ASB2: variants seen among roughly 807,000 people sequenced by gnomAD.
ASB2 encodes ankyrin repeat and SOCS box containing 2, also known as ankyrin repeat and SOCS box protein 2.
A neutral mutation model predicts 62.4 loss-of-function variants in ASB2; 58 were observed. The ratio of observed to expected loss-of-function variants is 0.93; its 90% CI spans 0.75 to 1.16. ASB2 has a LOEUF of 1.16. Ranked by LOEUF, ASB2 falls within the 50% of genes most tolerant of loss-of-function variation. The probability of loss-of-function intolerance (pLI) is 0.00; values close to 1 mark genes in which losing one functional copy is unlikely to be tolerated. For synonymous variants in ASB2, 386 were observed against 385.3 expected (o/e 1.00, Z -0.02); for missense variants, 928 against 887.9 (o/e 1.05, Z -0.57).
rs1567018972 is a variant in ASB2, at chr14:93,939,131, C to CCT, written c.1593_1594insAG (p.Asp532ArgfsTer19). ...ACCTGCACCACGCTGGGCTCCTTGT[C>CCT]GGCCGCGGGCGCGTCGTTGAACCTG... On this transcript the variant is annotated frameshift_variant, in exon 8 of 10. Transcript: ENST00000555019. LOFTEE classifies it high-confidence loss of function. 6.5e-7 allele frequency: 1 copy of CCT among 1,535,218 alleles called. No individual in the cohort carries two copies. The highest frequency in any genetic ancestry group is 8.8e-7 in the Non-Finnish European group (1 of 1,137,234).
intron 1 of ASB2, among the ~76,000 whole-genome samples, chr14:93,970,401 C>A (rs1173562739): frequency 6.6e-6 from 1 of 152,112 alleles, no homozygotes; most frequent in Non-Finnish European, 1.5e-5. Context: ...AGGTGCCCTT[C>A]CAGAAACAGC....
intron 2 of ASB2, among the ~76,000 whole-genome samples, chr14:93,959,924 C>A (rs971399809): frequency 2.0e-5 from 3 of 151,472 alleles, no homozygotes; most frequent in Admixed American, 6.6e-5. Context: ...ATCGATTCCG[C>A]CCCACGCCCG....
At chr14:93,935,526 G>C (rs1023360571) in intron 9 of ASB2, among the ~76,000 whole-genome samples, 1 of 152,224 alleles carries the variant, frequency 6.6e-6, no homozygotes, top group East Asian at 1.9e-4. Context: ...CTGCCCAGAG[G>C]CTCTAGTGGA....
intron 9 of ASB2, among the ~76,000 whole-genome samples, chr14:93,936,056 AC>A (rs1349121806): frequency 2.6e-5 from 4 of 152,174 alleles, no homozygotes; most frequent in Non-Finnish European, 4.4e-5. Context: ...AGATGGGGAA[AC>A]CCTTAGGTAA....
intron 2 of ASB2, among the ~76,000 whole-genome samples, chr14:93,959,859 C>T (rs1039450466): frequency 1.3e-5 from 2 of 151,942 alleles, no homozygotes; most frequent in African/African-American, 4.8e-5. Flanking sequence ...TTGGGCTGGG[C>T]CTGGCTGAAT....
intron 9 of ASB2, among the ~76,000 whole-genome samples, chr14:93,936,221 A>G (rs1449130871): frequency 6.6e-6 from 1 of 152,238 alleles, no homozygotes; most frequent in Admixed American, 6.5e-5. Context: ...TTAAACAAAC[A>G]AGCTCGTGGG....
chr14:93,940,072 T>G, intron 7 of ASB2: 1 of 185,474 alleles, frequency 5.4e-6, no homozygotes, highest in Non-Finnish European at 1.1e-5. Flanking sequence ...CTGTTGCCCA[T>G]TGCCAGCTCA....
chr14:93,960,024 C>T (rs548647256), intron 2 of ASB2, among the ~76,000 whole-genome samples: 1 of 151,958 alleles, frequency 6.6e-6, no homozygotes, highest in East Asian at 1.9e-4. Flanking sequence ...CCCACGCCCA[C>T]CACTGTGCCG....
rs1289301325 is a variant in ASB2 at position 93,976,419 on chromosome 14, G to A, written c.-74+15C>T. 6.6e-6 allele frequency: 1 copy of A among 152,210 alleles called. No individual in the cohort carries two copies. Among genetic ancestry groups the A allele is most frequent in the Non-Finnish European group, 1.5e-5 (1 of 68,030 alleles). The allele number at this position is 152,210 out of a possible 1,614,324, so 9.4% of individuals were successfully genotyped here. A position where few individuals can be genotyped will look rare whatever the true frequency, so the allele number is the denominator to read the frequency against. ...TTTGCAAGATCTGTATAAGAAAGTT[G>A]AAAGCATGCATTACCTGTTAGGCTC... On this transcript the variant is annotated intron_variant, in intron 1 of 9. Coordinates refer to ENST00000555019, the MANE Select transcript of ASB2 (RefSeq NM_001202429.2).
At chr14:93,972,208 GTTCCTTGGCACCCAGGGCGCTCGACC>G (rs149404346) in intron 1 of ASB2, among the ~76,000 whole-genome samples, 74,045 of 151,130 alleles carry the variant, frequency 0.49, 18,372 homozygotes, top group Admixed American at 0.53. Flanking sequence ...GAACTGGGCT[GTTCCTTGGCACCCAGGGCGCTCGACC>G]TCCTTCCTTG....
intron 3 of ASB2, 151 bp downstream of exon 3, chr14:93,956,614 AG>A (rs773303196): frequency 6.7e-6 from 7 of 1,038,620 alleles, no homozygotes; most frequent in African/African-American, 1.6e-5. Flanking sequence ...GTGGGGCCCC[AG>A]GGGGGCACCC....
chr14:93,975,468 G>T (rs1889886087), intron 1 of ASB2, among the ~76,000 whole-genome samples: 1 of 152,230 alleles, frequency 6.6e-6, no homozygotes, highest in Non-Finnish European at 1.5e-5. Context: ...CACCTCTGGG[G>T]CCTGAGATGT....
intron 1 of ASB2, among the ~76,000 whole-genome samples, chr14:93,969,171 A>C (rs1386828036): frequency 6.6e-6 from 1 of 152,178 alleles, no homozygotes; most frequent in Non-Finnish European, 1.5e-5. Context: ...TCTGGCTGTT[A>C]GTAAGTGTGC....
At chr14:93,949,653 G>T (rs752975674) in intron 6 of ASB2, among the ~76,000 whole-genome samples, 1 of 152,104 alleles carries the variant, frequency 6.6e-6, no homozygotes, top group Non-Finnish European at 1.5e-5. Flanking sequence ...CAGCAAAGCC[G>T]CCTGCTTGCA....
intron 1 of ASB2, among the ~76,000 whole-genome samples, chr14:93,968,911 C>G (rs1411171518): frequency 6.6e-6 from 1 of 152,204 alleles, no homozygotes; most frequent in African/African-American, 2.4e-5. Context: ...CTTGGAAGCA[C>G]AGCTGTTATG....
intron 6 of ASB2, 26 bp downstream of exon 6, chr14:93,950,973 T>C (rs147521455): frequency 0.019 from 30,013 of 1,600,878 alleles, 375 homozygotes; most frequent in Middle Eastern, 0.032. Flanking sequence ...GGGGACTCCA[T>C]GACCTAGGGA....
chr14:93,954,362 C>T lies in ASB2; in HGVS notation c.433G>A (p.Ala145Thr). 5 of 1,613,976 alleles carry T rather than the reference C, an allele frequency of 3.1e-6. No homozygotes were observed. Among genetic ancestry groups the T allele is most frequent in the Non-Finnish European group, 4.2e-6 (5 of 1,179,940 alleles). Residue 145 changes from alanine to threonine, a missense_variant, in exon 4 of 10, where the codon GCC becomes ACC. Transcript: ENST00000555019. Reference protein sequence around the residue: ...NKEGWLPLHEAAYYGQVGCLK... With the variant: ...NKEGWLPLHETAYYGQVGCLK... Reference sequence around the variant, plus strand: ...CAGCCCACCTGGCCATAGTATGCGGCCTCGTGCAGCGGCAGCCAGCCCTCC... The same window carrying T: ...CAGCCCACCTGGCCATAGTATGCGGTCTCGTGCAGCGGCAGCCAGCCCTCC...
intron 3 of ASB2, among the ~76,000 whole-genome samples, chr14:93,956,000 A>G (rs730959): frequency 0.83 from 126,262 of 152,130 alleles, 52,962 homozygotes; most frequent in African/African-American, 0.96. Flanking sequence ...GTGGAGGGCG[A>G]CAGGATTTGA....
rs1169054050 is a variant in ASB2 at position 93,939,287 on chromosome 14, C to G, written c.1438G>C (p.Ala480Pro). ...CACTTCATGGCGAACATGATGGTGG[C>G]GGGGAAGGCGGTGGGGTGCGTGGCG... ...YIATHPTAFP[A>P]TIMFAMKCLS... The change falls in exon 8 of 10, where the codon GCC (alanine) becomes CCC (proline). Residue 480 changes from alanine (A) to proline (P), a missense_variant. Ala to Pro is a conservative substitution (Grantham distance 27). Coordinates refer to ENST00000555019, the MANE Select transcript of ASB2 (RefSeq NM_001202429.2). The G allele has an allele frequency of 1.2e-5, 19 of 1,609,104 alleles. No individual in the cohort carries two copies. The highest frequency in any genetic ancestry group is 1.6e-5 in the Non-Finnish European group (19 of 1,176,588).
Sources: allele counts gnomAD v4.1 joint callset (sites outside exome capture counted in the v4.1 genomes callset), GRCh38; gene constraint gnomAD v4.1.1; transcripts MANE v1.5; gene names NCBI Gene and HGNC (gene_info 2026-07-23, HGNC 2026-07-21).